The following MYOCD variants were observed in gnomAD, a reference collection of about 807,000 sequenced individuals.
The protein encoded by MYOCD is myocardin.
MYOCD carries 32 observed loss-of-function variants against 96.1 expected under a neutral mutation model. The observed-to-expected ratio is 0.33, with a 90% CI of 0.25 to 0.45. MYOCD has a LOEUF of 0.45. Among genes scored for constraint, MYOCD ranks in the 20% least tolerant of loss-of-function variants. The pLI is 1.00. For missense variants in MYOCD, 1,133 were observed against 1,200.6 expected (o/e 0.94, Z 0.83); for synonymous variants, 469 against 469.0 (o/e 1.00, Z 0.00).
In MYOCD at chr17:12,736,165, C is replaced by G; in HGVS notation, c.420C>G (p.Asn140Lys). Reference protein sequence around the residue: ...DSAVKEAIKGNQVSFSKSTDA... With the variant: ...DSAVKEAIKGKQVSFSKSTDA... ...TCCTGGATTTCACCCCCTCAGGTAA[C>G]CAGGTGAGTTTCTCCAAATCCACGG... Residue 140 changes from asparagine (N) to lysine (K), a missense_variant, in exon 6 of 14, where the codon AAC (asparagine) becomes AAG (lysine). By Grantham distance (94) the Asn-to-Lys change is moderately conservative (BLOSUM62 0). Transcript: ENST00000425538. 1 of 1,613,882 alleles carries G rather than the reference C, an allele frequency of 6.2e-7. No individual in the cohort carries two copies.
At chr17:12,715,727 A>T (rs545822236) in intron 3 of MYOCD, among the ~76,000 whole-genome samples, 153 bp downstream of exon 3, 1 of 152,264 alleles carries the variant, frequency 6.6e-6, no homozygotes, top group South Asian at 2.1e-4. Context: ...TACTCCTATT[A>T]ACCGGTAACT....
chr17:12,763,047 C>A (rs2033225779), intron 13 of MYOCD, 26 bp from the exon 14 acceptor site: 16 of 1,564,238 alleles, frequency 1.0e-5, no homozygotes, highest in Non-Finnish European at 1.4e-5. Context: ...AGTGATTTAA[C>A]AAGTCACATC....
In MYOCD at chr17:12,765,717, C is replaced by T. The variant is rs2033320717; in HGVS notation, c.*2073C>T. On this transcript the variant is annotated 3_prime_UTR_variant, in exon 14 of 14. Coordinates refer to ENST00000425538, the MANE Select transcript of MYOCD (RefSeq NM_001146312.3). ...ATTAACCAACCAGACTACACGTTGC[C>T]TCTCTGTGTATGACTAACGGCTCCA... The T allele has an allele frequency of 6.6e-6, 1 of 152,200 alleles. No homozygotes were observed. Among genetic ancestry groups the T allele is most frequent in the African/African-American group, 2.4e-5 (1 of 41,434 alleles). The allele number at this position is 152,200 out of a possible 1,614,324, so 9.4% of individuals were successfully genotyped here. A position where few individuals can be genotyped will look rare whatever the true frequency, so the allele number is the denominator to read the frequency against.
chr17:12,713,575 T>C (rs1457235203), intron 2 of MYOCD, among the ~76,000 whole-genome samples: 1 of 152,194 alleles, frequency 6.6e-6, no homozygotes. Flanking sequence ...GTAATTAAAC[T>C]ACACTAATAT....
Position 12,705,195 on chromosome 17 carries a change from T to A in MYOCD, c.121+2T>A, listed in dbSNP as rs1361030781. 1.9e-6 allele frequency: 3 copies of A among 1,608,260 alleles called. No individual in the cohort carries two copies. Among genetic ancestry groups the A allele is most frequent in the Non-Finnish European group, 2.6e-6 (3 of 1,174,882 alleles). On this transcript the variant is annotated splice_donor_variant, in intron 2 of 13. Coordinates refer to ENST00000425538, the MANE Select transcript of MYOCD (RefSeq NM_001146312.3). LOFTEE classifies it high-confidence loss of function. ...TGGCTAACCAAGGCATAATACCACG[T>A]GAGTACCTGCATCTCTTAATTACTG...
chr17:12,744,554 C>T lies in MYOCD; in HGVS notation c.971+118C>T, dbSNP rs1597801051. 8 of 1,358,688 alleles carry T rather than the reference C, an allele frequency of 5.9e-6. No homozygotes were observed. In the East Asian group the frequency reaches 2.0e-4, roughly 34 times the overall value. 84.2% of individuals were successfully genotyped at this position (1,358,688 alleles called of 1,614,324 possible). A position where few individuals can be genotyped will look rare whatever the true frequency, so the allele number is the denominator to read the frequency against. ...GTCCTGTATTGCACCATTTCCTCAT[C>T]CAGTATGTTTGGAAGGTGACTCAAT... On this transcript the variant is annotated intron_variant, in intron 8 of 13. Coordinates refer to ENST00000425538, the MANE Select transcript of MYOCD (RefSeq NM_001146312.3).
chr17:12,732,799 G>A (rs571726942), intron 5 of MYOCD, among the ~76,000 whole-genome samples: 1 of 152,308 alleles, frequency 6.6e-6, no homozygotes. Context: ...AGGTGTCAGA[G>A]TGGAAAGGGC....
At chr17:12,666,975 C>T (rs1261215486) in intron 1 of MYOCD, among the ~76,000 whole-genome samples, 1 of 152,094 alleles carries the variant, frequency 6.6e-6, no homozygotes, top group African/African-American at 2.4e-5. Context: ...TGGGTCTCCA[C>T]GTTTAGACAA....
intron 1 of MYOCD, among the ~76,000 whole-genome samples, chr17:12,694,893 A>AAAAAAAAAAAAAAAAAAAAAAAAAAAC: frequency 6.6e-6 from 1 of 151,166 alleles, no homozygotes; most frequent in Non-Finnish European, 1.5e-5. Context: ...AAAAAAAAAA[A>AAAAAAAAAAAAAAAAAAAAAAAAAAAC]AAAAAAAAAA....
At position 12,717,070 on chromosome 17, in the gene MYOCD, T is replaced by C. The variant is rs998915255; in HGVS notation, c.178-276T>C. Among the ~76,000 whole-genome samples the C allele has an allele frequency of 3.4e-4, 51 of 150,888 alleles. 1 individual carries two copies. Among genetic ancestry groups the C allele is most frequent in the Admixed American group, 1.3e-4 (2 of 15,150 alleles). On this transcript the variant is annotated intron_variant, in intron 3 of 13. Transcript: ENST00000425538. ...ATACAAACAGCCTAGTGTTCTGTTA[T>C]AGTGACATGTTATTAACATGTACCA...
intron 2 of MYOCD, among the ~76,000 whole-genome samples, chr17:12,713,343 T>C (rs1237913520): frequency 4.6e-5 from 7 of 152,130 alleles, no homozygotes; most frequent in African/African-American, 1.4e-4. Context: ...ATTAATAAGC[T>C]TTGCTAATAA....
rs149724951 is a variant in MYOCD, at chr17:12,752,881, C to T, written c.1593C>T (p.Leu531=). The T allele has an allele frequency of 1.9e-6, 3 of 1,613,862 alleles. No individual in the cohort carries two copies. The African/African-American group carries it at 4.0e-5, about 22-fold the overall frequency. ...LVEKQKVINE[L]TWKLQQEQRQ... ...AGAAGCAGAAGGTGATCAATGAACTCACCTGGAAACTCCAGCAAGAGCAGA... is the reference window on the plus strand; with the variant it reads ...AGAAGCAGAAGGTGATCAATGAACTTACCTGGAAACTCCAGCAAGAGCAGA... Residue 531 remains leucine (L), a synonymous_variant, in exon 10 of 14, where the codon CTC becomes CTT. Transcript: ENST00000425538.
At chr17:12,725,243 T>C (rs75475562) in intron 5 of MYOCD, among the ~76,000 whole-genome samples, 1,653 of 151,854 alleles carry the variant, frequency 0.011, 14 homozygotes, top group South Asian at 0.027. Context: ...TTTTATTTTC[T>C]GCCTTGGTTC....
rs1057303742 is a variant in MYOCD at position 12,704,440 on chromosome 17, A to T, written c.56-688A>T. 4.6e-5 allele frequency among the ~76,000 whole-genome samples: 7 copies of T among 152,188 alleles called. No homozygotes were observed. In the South Asian group the frequency reaches 6.2e-4, roughly 13 times the overall value. ...GTTATAGATACGTAATATTGGGAACATACTTATATTTATTTATAATGTATA... is the reference window on the plus strand; with the variant it reads ...GTTATAGATACGTAATATTGGGAACTTACTTATATTTATTTATAATGTATA... On this transcript the variant is annotated intron_variant, in intron 1 of 13. Transcript: ENST00000425538.
Position 12,744,282 on chromosome 17 carries a change from C to A in MYOCD, c.817C>A (p.Gln273Lys), listed in dbSNP as rs749918893. ...LKYHQYIPPD[Q>K]KAEKSPPPMD... ...ATATCACCAGTACATTCCCCCAGAC[C>A]AGAAGGCAGAGAAGTCCCCTCCACC... The change falls in exon 8 of 14, where the codon CAG becomes AAG. Residue 273 changes from glutamine to lysine, a missense_variant. Transcript: ENST00000425538. The A allele has an allele frequency of 6.2e-7, 1 of 1,614,178 alleles. No homozygotes were observed. The highest frequency in any genetic ancestry group is 8.5e-7 in the Non-Finnish European group (1 of 1,180,032).
chr17:12,672,565 T>G (rs1909770572), intron 1 of MYOCD, among the ~76,000 whole-genome samples: 1 of 152,184 alleles, frequency 6.6e-6, no homozygotes, highest in South Asian at 2.1e-4. Context: ...TTAGAATAAA[T>G]AAAACTGTTT....
chr17:12,745,834 G>A (rs1300020307), intron 8 of MYOCD, 85 bp from the exon 9 acceptor site: 5 of 1,418,044 alleles, frequency 3.5e-6, no homozygotes, highest in South Asian at 2.5e-5. Context: ...ACCCTTGCAG[G>A]CAATCACTTT....
Position 12,746,053 on chromosome 17 carries a change from C to A in MYOCD, c.1106C>A (p.Pro369His). The A allele has an allele frequency of 6.2e-7, 1 of 1,614,226 alleles. No individual in the cohort carries two copies. Among genetic ancestry groups the A allele is most frequent in the Non-Finnish European group, 8.5e-7 (1 of 1,180,036 alleles). The stretch of plus-strand genomic sequence containing the variant: ...TCTTTCAAACCAGGCCCACTCCCAC[C>A]TAACCTGGATGATCTGAAGGTATAG... Reference protein sequence around the residue: ...VSSFKPGPLPPNLDDLKVSEL... With the variant: ...VSSFKPGPLPHNLDDLKVSEL... The change falls in exon 9 of 14, where the codon CCT becomes CAT. Residue 369 changes from proline to histidine, a missense_variant. Coordinates refer to ENST00000425538, the MANE Select transcript of MYOCD (RefSeq NM_001146312.3).
intron 2 of MYOCD, chr17:12,705,527 A>G (rs2031257512): frequency 1.1e-5 from 2 of 188,830 alleles, no homozygotes; most frequent in African/African-American, 4.7e-5. Context: ...CATCAATTAC[A>G]TCATCTTTTT....
Sources: allele counts gnomAD v4.1 joint callset (sites outside exome capture counted in the v4.1 genomes callset), GRCh38; gene constraint gnomAD v4.1.1; transcripts MANE v1.5; gene names NCBI Gene and HGNC (gene_info 2026-07-23, HGNC 2026-07-21).